FZR1: variants seen among roughly 807,000 people sequenced by gnomAD.
FZR1 encodes the protein fizzy-related protein homolog.
FZR1 carries 11 observed loss-of-function variants against 63.6 expected under a neutral mutation model. The ratio of observed to expected loss-of-function variants is 0.17; its 90% CI spans 0.11 to 0.29. The LOEUF is 0.29. FZR1 is among the 10% of genes least tolerant of loss of function. FZR1 has a pLI of 1.00. For missense variants in FZR1, 440 were observed against 687.5 expected, an observed-to-expected ratio of 0.64 and a Z score of 4.03; for synonymous variants, 328 against 297.9, an observed-to-expected ratio of 1.10 and a Z score of -1.04.
intron 1 of FZR1, among the ~76,000 whole-genome samples, chr19:3,508,055 C>A (rs2082997999): frequency 6.9e-6 from 1 of 144,276 alleles, no homozygotes; most frequent in Non-Finnish European, 1.5e-5. Flanking sequence ...CTGTGACTTG[C>A]TTCCCAGGTC....
In FZR1 at chr19:3,530,944, T is replaced by C. The variant is rs568603008; in HGVS notation, c.720+87T>C. 4.0e-5 allele frequency: 41 copies of C among 1,020,228 alleles called. No homozygotes were observed. In the East Asian group the frequency reaches 1.0e-3, roughly 25 times the overall value. The allele number at this position is 1,020,228 out of a possible 1,614,324, so 63.2% of individuals were successfully genotyped here. A position where few individuals can be genotyped will look rare whatever the true frequency, so the allele number is the denominator to read the frequency against. ...GGCCTTGAAGACCCAGAGGGTCTAG[T>C]GCGTGGCCTGAGGTCGCCTGTGTCC... On this transcript the variant is annotated intron_variant, in intron 8 of 13. Transcript: ENST00000441788.
At chr19:3,529,233 AGCGGATGAGAGT>A (rs2083202531) in intron 7 of FZR1, among the ~76,000 whole-genome samples, 1 of 126,968 alleles carries the variant, frequency 7.9e-6, no homozygotes. Context: ...CGGATGGGAG[AGCGGATGAGAGT>A]GGTTGAGGGA....
rs1405559915 is a variant in FZR1, at chr19:3,538,262, T to C, written c.*3426T>C. 2 of 163,034 alleles carry C rather than the reference T, an allele frequency of 1.2e-5. No homozygotes were observed. Among genetic ancestry groups the C allele is most frequent in the Non-Finnish European group, 2.7e-5 (2 of 74,724 alleles). 10.1% of individuals were successfully genotyped at this position (163,034 alleles called of 1,614,324 possible). A position where few individuals can be genotyped will look rare whatever the true frequency, so the allele number is the denominator to read the frequency against. On this transcript the variant is annotated 3_prime_UTR_variant, in exon 14 of 14. Coordinates refer to ENST00000441788, the MANE Select transcript of FZR1 (RefSeq NM_016263.4). ...GGCAGGGCAGGAGGTTTCTGGATGT[T>C]TGTTGGGTTTGGTTTGGTTTTGTTT...
rs978049963 is a variant in FZR1, at chr19:3,514,492, A to T, written c.-35+8018A>T. Reference sequence around the variant, plus strand: ...GCACCCCCAGTCATGACAACCACAGATGTCCCCAGACATCACCATATATCA... The same window carrying T: ...GCACCCCCAGTCATGACAACCACAGTTGTCCCCAGACATCACCATATATCA... On this transcript the variant is annotated intron_variant, in intron 1 of 13. Coordinates refer to ENST00000441788, the MANE Select transcript of FZR1 (RefSeq NM_016263.4). The surrounding 1 kb of genome is among the most constrained non-coding windows in gnomAD (Gnocchi z 4.2). Among the ~76,000 whole-genome samples the T allele has an allele frequency of 6.6e-6, 1 of 152,056 alleles. No homozygotes were observed. Among genetic ancestry groups the T allele is most frequent in the Non-Finnish European group, 1.5e-5 (1 of 67,984 alleles).
At chr19:3,532,124 C>A in intron 10 of FZR1, 29 bp downstream of exon 10, 1 of 1,477,552 alleles carries the variant, frequency 6.8e-7, no homozygotes, top group East Asian at 2.5e-5. Context: ...TGGGCTTCCC[C>A]TTCACCAGAA....
Position 3,515,543 on chromosome 19 carries a change from C to T in FZR1, c.-34-7413C>T, listed in dbSNP as rs1367377510. On this transcript the variant is annotated intron_variant, in intron 1 of 13. Transcript: ENST00000441788. The surrounding 1 kb of genome is among the most constrained non-coding windows in gnomAD (Gnocchi z 4.6). ...CAGCACTTTGGGAGGCCGAGGCGGG[C>T]GGATCACAAGGTCAGGAGATCGAAA... Among the ~76,000 whole-genome samples the T allele has an allele frequency of 1.3e-5, 2 of 151,986 alleles. No individual in the cohort carries two copies. Among genetic ancestry groups the T allele is most frequent in the African/African-American group, 2.4e-5 (1 of 41,372 alleles).
At chr19:3,534,649 C>A in intron 13 of FZR1, 136 bp downstream of exon 13, 2 of 900,442 alleles carry the variant, frequency 2.2e-6, no homozygotes, top group South Asian at 1.4e-5. Context: ...AATTCTGGGT[C>A]ATGTGTCGGG....
chr19:3,528,498 G>A (rs1027197230), intron 7 of FZR1, among the ~76,000 whole-genome samples: 12 of 151,756 alleles, frequency 7.9e-5, no homozygotes, highest in Non-Finnish European at 2.9e-5. Flanking sequence ...TCCTCTGCTC[G>A]TCCCATGCAG....
At chr19:3,534,176 C>T (rs1192256352) in intron 12 of FZR1, 20 of 402,902 alleles carry the variant, frequency 5.0e-5, no homozygotes, top group Non-Finnish European at 6.7e-5. Flanking sequence ...GCCAGGATTG[C>T]CCCACTGCAC....
rs760269119 is a variant in FZR1 at position 3,532,112 on chromosome 19, C to G, written c.1008+17C>G. On this transcript the variant is annotated intron_variant, in intron 10 of 13. Coordinates refer to ENST00000441788, the MANE Select transcript of FZR1 (RefSeq NM_016263.4). Reference sequence around the variant, plus strand: ...GACAACAAGGTACCCCCGCCCAGAGCCTGGGCTTCCCCTTCACCAGAAGCC... The same window carrying G: ...GACAACAAGGTACCCCCGCCCAGAGGCTGGGCTTCCCCTTCACCAGAAGCC... 6.7e-7 allele frequency: 1 copy of G among 1,485,532 alleles called. No individual in the cohort carries two copies. The highest frequency in any genetic ancestry group is 2.5e-5 in the East Asian group (1 of 40,130). 92.0% of individuals were successfully genotyped at this position (1,485,532 alleles called of 1,614,324 possible).
chr19:3,524,930 A>G (rs961836115), intron 2 of FZR1, among the ~76,000 whole-genome samples: 4 of 152,106 alleles, frequency 2.6e-5, no homozygotes, highest in South Asian at 4.1e-4. Flanking sequence ...CTCGTGTCCA[A>G]TCAGAGTCCC....
At position 3,535,608 on chromosome 19, in the gene FZR1, G is replaced by A. The variant is rs10415238; in HGVS notation, c.*772G>A. On this transcript the variant is annotated 3_prime_UTR_variant, in exon 14 of 14. Coordinates refer to ENST00000441788, the MANE Select transcript of FZR1 (RefSeq NM_016263.4). Reference sequence around the variant, plus strand: ...TTATCACCCCAGGAGAACTGAACCCGGACCTGCTCACTGCCCTGGCTGGAG... The same window carrying A: ...TTATCACCCCAGGAGAACTGAACCCAGACCTGCTCACTGCCCTGGCTGGAG... 23,884 of 152,498 alleles carry A rather than the reference G, an allele frequency of 0.16. 2,010 individuals are homozygous for A. The highest frequency in any genetic ancestry group is 0.23 in the Middle Eastern group (67 of 294). The allele number at this position is 152,498 out of a possible 1,614,324, so 9.4% of individuals were successfully genotyped here.
Position 3,533,408 on chromosome 19 carries a change from C to G in FZR1, c.1347+10C>G. ...CCGCGTGCTGTACCTGGTGAGTTCA[C>G]GCCAGGCACTTCAAGGTGCCCCGGG... On this transcript the variant is annotated intron_variant, in intron 12 of 13. Transcript: ENST00000441788. The surrounding 1 kb of genome is among the most constrained non-coding windows in gnomAD (Gnocchi z 4.9). 1.3e-6 allele frequency: 2 copies of G among 1,565,062 alleles called. No individual in the cohort carries two copies. The highest frequency in any genetic ancestry group is 1.7e-4 in the Middle Eastern group (1 of 5,966).
intron 1 of FZR1, among the ~76,000 whole-genome samples, chr19:3,511,473 CAGG>C (rs1176244214): frequency 3.3e-5 from 5 of 152,192 alleles, no homozygotes; most frequent in Non-Finnish European, 7.3e-5. Flanking sequence ...GAGGCCTCAG[CAGG>C]AGGATTGCTT....
chr19:3,530,683 G>GGAGAGTGGAT (rs1270330006), intron 7 of FZR1, 109 bp from the exon 8 acceptor site: 2 of 764,222 alleles, frequency 2.6e-6, no homozygotes, highest in Non-Finnish European at 4.4e-6. Context: ...AGATTGGATG[G>GGAGAGTGGAT]GAGAGTGGAT....
intron 8 of FZR1, 126 bp from the exon 9 acceptor site, chr19:3,531,588 G>A (rs8103775): frequency 1.8e-5 from 12 of 651,126 alleles, no homozygotes; most frequent in Non-Finnish European, 2.4e-5. Flanking sequence ...ACGTGCATTC[G>A]AGAGTCGTTA....
rs1032155941 is a variant in FZR1 at position 3,515,709 on chromosome 19, T to C, written c.-34-7247T>C. On this transcript the variant is annotated intron_variant, in intron 1 of 13. Coordinates refer to ENST00000441788, the MANE Select transcript of FZR1 (RefSeq NM_016263.4). This position sits in a 1 kb window ranked among gnomAD's most constrained non-coding sequence, Gnocchi z 4.6. ...GTGAACCAGGAGGCGGAGCTTGCAG[T>C]GAGCAGAGATCGCACCACTGCAGTC... is the stretch of plus-strand genomic sequence containing the variant. Among the ~76,000 whole-genome samples, 3 of 148,108 alleles carry C rather than the reference T, an allele frequency of 2.0e-5. No individual in the cohort carries two copies. The highest frequency in any genetic ancestry group is 7.5e-5 in the African/African-American group (3 of 39,902).
Position 3,523,017 on chromosome 19 carries a change from C to T in FZR1, c.28C>T (p.Leu10Phe). 3 of 1,611,836 alleles carry T rather than the reference C, an allele frequency of 1.9e-6. No individual in the cohort carries two copies. In the South Asian group the frequency reaches 3.3e-5, roughly 18 times the overall value. Residue 10 changes from leucine (L) to phenylalanine (F), a missense_variant, in exon 2 of 14, where the codon CTT becomes TTT. Transcript: ENST00000441788. MDQDYERRL[L>F]RQIVIQNENT... ...GGACCAGGACTATGAGCGGCGCCTG[C>T]TTCGCCAGATCGTCATCCAGAATGA...
At chr19:3,517,498 C>G (rs1460377234) in intron 1 of FZR1, among the ~76,000 whole-genome samples, 1 of 152,010 alleles carries the variant, frequency 6.6e-6, no homozygotes, top group Non-Finnish European at 1.5e-5. Context: ...ACTAGCCTGA[C>G]CAACATGATG....
Sources: gnomAD v4.1 joint callset for allele counts (sites outside exome capture counted in the v4.1 genomes callset) on GRCh38, gnomAD v4.1.1 for gene constraint, Gnocchi (gnomAD v3.1) non-coding constraint, MANE v1.5 for transcripts, NCBI Gene and HGNC (gene_info 2026-07-23, HGNC 2026-07-21) for gene names.